TTC28: variants seen among roughly 807,000 people sequenced by gnomAD.
TTC28 encodes tetratricopeptide repeat protein 28.
Under a neutral mutation model 198.0 loss-of-function variants are expected in TTC28, and 61 were observed. The observed-to-expected ratio is 0.31, with a 90% CI of 0.25 to 0.38. TTC28 has a LOEUF of 0.38. Among genes scored for constraint, TTC28 ranks in the 10% least tolerant of loss-of-function variants. The pLI is 1.00. For synonymous variants in TTC28, 1,171 were observed against 1,297.8 expected, an observed-to-expected ratio of 0.90 and a Z score of 2.10; for missense variants, 2,678 against 3,164.0, an observed-to-expected ratio of 0.85 and a Z score of 3.69.
At chr22:28,341,577 A>C (rs1026223299) in intron 2 of TTC28, among the ~76,000 whole-genome samples, 7 of 152,152 alleles carry the variant, frequency 4.6e-5, no homozygotes, top group Non-Finnish European at 1.0e-4. Context: ...GGATCACTTG[A>C]GGTCAGGAGT....
intron 5 of TTC28, among the ~76,000 whole-genome samples, chr22:28,293,114 G>A (rs1343095194): frequency 2.6e-5 from 4 of 152,158 alleles, no homozygotes; most frequent in African/African-American, 9.7e-5. Flanking sequence ...GGGCAGGTAA[G>A]AAGCAGCACT....
intron 3 of TTC28, 102 bp downstream of exon 3, chr22:28,306,394 T>C (rs1479187204): frequency 7.4e-6 from 10 of 1,345,408 alleles, no homozygotes; most frequent in Non-Finnish European, 9.1e-6. Context: ...CTTAGCAAAT[T>C]TGATAACCTA....
chr22:28,286,971 G>C (rs1373737925), intron 5 of TTC28, among the ~76,000 whole-genome samples: 1 of 152,108 alleles, frequency 6.6e-6, no homozygotes, highest in Non-Finnish European at 1.5e-5. Flanking sequence ...TGCTAACCCA[G>C]TCAAAATTCC....
In TTC28 at chr22:28,105,384, C is replaced by A; in HGVS notation, c.3202G>T (p.Ala1068Ser). ...VYQEQHLSIA[A>S]QMNDLAAKTV... ...TTGGCCGCCAAGTCATTCATCTGTG[C>A]AGCAATGCTCAAGTGCTGTTCTTGA... The change falls in exon 8 of 23, where the codon GCA becomes TCA. Residue 1068 changes from alanine (A) to serine (S), a missense_variant. Physicochemically the swap from Ala to Ser is moderately conservative, Grantham distance 99. Around this residue, in one of 8 missense-constraint regions of TTC28, gnomAD observed 727 missense variants for 861.9 expected, o/e 0.84. Transcript: ENST00000397906. 6.4e-7 allele frequency: 1 copy of A among 1,551,740 alleles called. No individual in the cohort carries two copies. The highest frequency in any genetic ancestry group is 8.7e-7 in the Non-Finnish European group (1 of 1,147,006).
intron 2 of TTC28, among the ~76,000 whole-genome samples, chr22:28,388,442 G>A (rs2046654448): frequency 1.3e-5 from 2 of 152,146 alleles, no homozygotes; most frequent in Admixed American, 1.3e-4. Flanking sequence ...GGGCAGTATG[G>A]CCATTTTCAC....
At chr22:27,993,212 C>T (rs997546042) in intron 18 of TTC28, 75 bp downstream of exon 18, 83 of 1,317,458 alleles carry the variant, frequency 6.3e-5, no homozygotes, top group East Asian at 1.3e-4. Flanking sequence ...CTCATGAATG[C>T]GGGGCCCAAG....
intron 2 of TTC28, among the ~76,000 whole-genome samples, chr22:28,462,535 T>C (rs145914660): frequency 1.1e-3 from 167 of 152,316 alleles, no homozygotes; most frequent in African/African-American, 3.8e-3. Context: ...TTTCATCCTG[T>C]TGCTGCTTTC....
At position 27,983,392 on chromosome 22, in the gene TTC28, C is replaced by T; in HGVS notation, c.6275G>A (p.Gly2092Asp). ...HKQPQPGTAG[G>D]MRVSVSSKGS... ...TTTGGAGCTCACCGAGACTCTCATG[C>T]CTCCGGCTGTCCCAGGTTGGGGTTG... Residue 2092 changes from glycine (G) to aspartate (D), a missense_variant, in exon 23 of 23, where the codon GGC (glycine) becomes GAC (aspartate). Gly to Asp is a moderately conservative substitution (Grantham distance 94). Around this residue, in one of 8 missense-constraint regions of TTC28, gnomAD observed 622 missense variants for 656.0 expected, o/e 0.95. Coordinates refer to ENST00000397906, the MANE Select transcript of TTC28 (RefSeq NM_001145418.2). 1 of 1,551,236 alleles carries T rather than the reference C, an allele frequency of 6.4e-7. No homozygotes were observed. Among genetic ancestry groups the T allele is most frequent in the Middle Eastern group, 1.7e-4 (1 of 5,992 alleles).
At chr22:28,082,399 G>A (rs1479748687) in intron 12 of TTC28, among the ~76,000 whole-genome samples, 1 of 152,104 alleles carries the variant, frequency 6.6e-6, no homozygotes, top group Non-Finnish European at 1.5e-5. Context: ...TTCATATATG[G>A]CCTTCACTAT....
In TTC28 at chr22:28,452,173, A is replaced by C. The variant is rs747907843; in HGVS notation, c.382-145530T>G. 3.5e-4 allele frequency among the ~76,000 whole-genome samples: 53 copies of C among 152,074 alleles called. 1 individual carries two copies. The highest frequency in any genetic ancestry group is 3.3e-3 in the Admixed American group (51 of 15,274). On this transcript the variant is annotated intron_variant, in intron 2 of 22. Transcript: ENST00000397906. ...GGGAGGCCAAGGTGGGCGGATCACA[A>C]GGTCAGGAGATCCAGACCATCCTGG... is the stretch of plus-strand genomic sequence containing the variant.
chr22:28,595,206 C>A (rs1195788611), intron 2 of TTC28, among the ~76,000 whole-genome samples: 1 of 152,062 alleles, frequency 6.6e-6, no homozygotes, highest in Non-Finnish European at 1.5e-5. Context: ...AACCACTTAG[C>A]CAATATTAAA....
chr22:28,124,801 C>T (rs548918782), intron 6 of TTC28, among the ~76,000 whole-genome samples: 1 of 152,288 alleles, frequency 6.6e-6, no homozygotes, highest in Non-Finnish European at 1.5e-5. Context: ...TTGTCTCAGG[C>T]TGTCACTTCA....
At chr22:28,620,316 C>T (rs965330935) in intron 2 of TTC28, among the ~76,000 whole-genome samples, 2 of 149,884 alleles carry the variant, frequency 1.3e-5, no homozygotes, top group African/African-American at 2.5e-5. Context: ...TGCCACCACA[C>T]GCCAGCCTGA....
At chr22:28,237,595 T>C (rs1929344633) in intron 5 of TTC28, among the ~76,000 whole-genome samples, 1 of 152,194 alleles carries the variant, frequency 6.6e-6, no homozygotes, top group South Asian at 2.1e-4. Flanking sequence ...AGCCCCACAA[T>C]ATACTGTTAT....
intron 5 of TTC28, among the ~76,000 whole-genome samples, chr22:28,262,102 C>T (rs2147301003): frequency 6.6e-6 from 1 of 152,180 alleles, no homozygotes; most frequent in Non-Finnish European, 1.5e-5. Flanking sequence ...TCTGTCTCTC[C>T]AGTGACATAA....
intron 6 of TTC28, among the ~76,000 whole-genome samples, chr22:28,123,601 T>G (rs1203101391): frequency 1.3e-5 from 2 of 152,198 alleles, no homozygotes. Context: ...ATTGCACACT[T>G]TACATTTTAG....
At chr22:28,509,361 A>C (rs568782187) in intron 2 of TTC28, among the ~76,000 whole-genome samples, 1 of 152,318 alleles carries the variant, frequency 6.6e-6, no homozygotes, top group South Asian at 2.1e-4. Context: ...GTGCAATCAA[A>C]TCAGAACTCA....
intron 1 of TTC28, among the ~76,000 whole-genome samples, chr22:28,678,763 C>G (rs1173446418): frequency 6.6e-6 from 1 of 152,286 alleles, no homozygotes; most frequent in Non-Finnish European, 1.5e-5. Context: ...TGTCAGGCAC[C>G]ATGCCAGGTA....
chr22:27,992,384 T>A, intron 19 of TTC28: 1 of 598,284 alleles, frequency 1.7e-6, no homozygotes, highest in Non-Finnish European at 2.9e-6. Context: ...ACGGATGCCT[T>A]GGCATCGCAG....
Sources: gnomAD v4.1 joint callset for allele counts (sites outside exome capture counted in the v4.1 genomes callset) on GRCh38, gnomAD v4.1.1 for gene constraint, gnomAD v4.1.1 regional missense constraint, MANE v1.5 for transcripts, NCBI Gene and HGNC (gene_info 2026-07-23, HGNC 2026-07-21) for gene names.